The following PCDH15 variants were observed in gnomAD, a reference collection of about 807,000 sequenced individuals.
The protein encoded by PCDH15 is protocadherin-15.
PCDH15 carries 129 observed loss-of-function variants against 178.5 expected under a neutral mutation model. The observed-to-expected ratio is 0.72, with a 90% CI of 0.63 to 0.84. PCDH15 has a LOEUF of 0.84. Among genes scored for constraint, PCDH15 ranks in the 40% least tolerant of loss-of-function variants. The pLI is 0.00. For missense variants in PCDH15, 2,230 were observed against 2,099.9 expected, an observed-to-expected ratio of 1.06 and a Z score of -1.21; for synonymous variants, 800 against 732.0, an observed-to-expected ratio of 1.09 and a Z score of -1.50.
At chr10:55,390,079 G>A (rs1008179810) in intron 2 of PCDH15, among the ~76,000 whole-genome samples, 4 of 152,058 alleles carry the variant, frequency 2.6e-5, no homozygotes, top group South Asian at 2.1e-4. Context: ...CCAGACCACT[G>A]CAACAAAGCT....
chr10:55,188,703 G>T (rs911222563), intron 1 of PCDH15, among the ~76,000 whole-genome samples: 1 of 151,260 alleles, frequency 6.6e-6, no homozygotes, highest in Non-Finnish European at 1.5e-5. Context: ...TAAAGTTATG[G>T]TCCTTTAAAT....
intron 2 of PCDH15, among the ~76,000 whole-genome samples, chr10:55,343,053 A>G (rs888891239): frequency 3.3e-5 from 5 of 152,162 alleles, no homozygotes; most frequent in African/African-American, 1.2e-4. Flanking sequence ...AACAGAAACC[A>G]ATATGGGTCT....
chr10:54,348,116 G>C (rs531310638), intron 5 of PCDH15, among the ~76,000 whole-genome samples: 2 of 152,036 alleles, frequency 1.3e-5, no homozygotes, highest in Non-Finnish European at 2.9e-5. Flanking sequence ...CCAAAGTGCT[G>C]GGATTACAGG....
At chr10:54,607,936 A>T (rs558025342) in intron 2 of PCDH15, 1 of 510,500 alleles carries the variant, frequency 2.0e-6, no homozygotes, top group African/African-American at 2.0e-5. Context: ...AAAAACTGTG[A>T]TTACTTTTGC....
chr10:54,745,800 T>C (rs1945381867), intron 1 of PCDH15, among the ~76,000 whole-genome samples: 1 of 152,182 alleles, frequency 6.6e-6, no homozygotes, highest in South Asian at 2.1e-4. Context: ...AGCCAGTACA[T>C]TTCTTTAACA....
rs200706998 is a variant in PCDH15, at chr10:54,421,937, A to T, written c.158-42995T>A. On this transcript the variant is annotated intron_variant, in intron 3 of 37. Coordinates refer to ENST00000644397, the MANE Select transcript of PCDH15 (RefSeq NM_001384140.1). Reference sequence around the variant, plus strand: ...CTATATATATATATACACTATATATATATATATAAAAATATATATATATAT... The same window carrying T: ...CTATATATATATATACACTATATATTTATATATAAAAATATATATATATAT... Among the ~76,000 whole-genome samples, 608 of 118,868 alleles carry T rather than the reference A, an allele frequency of 5.1e-3. 43 individuals carry two copies. The South Asian group carries it at 0.064, about 12-fold the overall frequency. 78.0% of individuals were successfully genotyped at this position (118,868 alleles called of 152,430 possible).
intron 18 of PCDH15, among the ~76,000 whole-genome samples, chr10:54,047,782 T>C (rs1212065610): frequency 6.6e-6 from 1 of 152,214 alleles, no homozygotes; most frequent in Admixed American, 6.5e-5. Flanking sequence ...CTCCATGCTA[T>C]ATATGTACCA....
intron 14 of PCDH15, among the ~76,000 whole-genome samples, chr10:54,140,419 C>G (rs1405263326): frequency 2.0e-5 from 3 of 150,324 alleles, no homozygotes; most frequent in African/African-American, 7.3e-5. Context: ...ACTGTAAAGC[C>G]AAAGTTAATT....
At chr10:54,577,417 T>A (rs1421869728) in intron 2 of PCDH15, among the ~76,000 whole-genome samples, 1 of 152,034 alleles carries the variant, frequency 6.6e-6, no homozygotes, top group Non-Finnish European at 1.5e-5. Flanking sequence ...TTGACCCATA[T>A]TCTTCAGTTC....
At position 53,903,237 on chromosome 10, in the gene PCDH15, G is replaced by A. The variant is rs370178425; in HGVS notation, c.3501+6C>T. 2.6e-5 allele frequency: 42 copies of A among 1,611,914 alleles called. No individual in the cohort carries two copies. Among genetic ancestry groups the A allele is most frequent in the African/African-American group, 1.9e-4 (14 of 74,834 alleles). ...TAGTTCTGTATATTAACATAATTCC[G>A]CATACCTTCACTCTGAGTACAGAAG... On this transcript the variant is annotated splice_donor_region_variant and intron_variant, in intron 26 of 37. Coordinates refer to ENST00000644397, the MANE Select transcript of PCDH15 (RefSeq NM_001384140.1).
intron 26 of PCDH15, among the ~76,000 whole-genome samples, chr10:53,899,767 G>A (rs2082202434): frequency 6.6e-6 from 1 of 151,952 alleles, no homozygotes; most frequent in African/African-American, 2.4e-5. Flanking sequence ...TATTTTTGTT[G>A]CTCTAAGTAT....
chr10:54,401,609 A>G (rs1255934876), intron 3 of PCDH15, among the ~76,000 whole-genome samples: 2 of 151,884 alleles, frequency 1.3e-5, no homozygotes, highest in African/African-American at 4.8e-5. Flanking sequence ...TAAGTGAAAC[A>G]TGAATGAAAG....
intron 2 of PCDH15, among the ~76,000 whole-genome samples, chr10:54,633,923 A>G (rs921735928): frequency 2.0e-5 from 3 of 152,156 alleles, no homozygotes; most frequent in African/African-American, 4.8e-5. Context: ...GGTTGTACAC[A>G]AATCAGCCAG....
intron 2 of PCDH15, among the ~76,000 whole-genome samples, chr10:55,414,673 G>A (rs1838430585): frequency 6.6e-6 from 1 of 151,072 alleles, no homozygotes; most frequent in Admixed American, 6.6e-5. Context: ...TTTCATTTTA[G>A]ATAGATAATT....
At chr10:54,763,394 C>T (rs1948123467) in intron 1 of PCDH15, among the ~76,000 whole-genome samples, 1 of 151,974 alleles carries the variant, frequency 6.6e-6, no homozygotes, top group South Asian at 2.1e-4. Context: ...AATGTAATAC[C>T]ACCTTGAAAA....
chr10:55,069,998 T>C (rs1275882485), intron 2 of PCDH15, among the ~76,000 whole-genome samples: 2 of 152,106 alleles, frequency 1.3e-5, no homozygotes, highest in African/African-American at 4.8e-5. Context: ...TATCTCATTG[T>C]GGTTTTGATT....
At chr10:54,316,154 GT>G (rs770056341) in intron 8 of PCDH15, among the ~76,000 whole-genome samples, 4 of 151,688 alleles carry the variant, frequency 2.6e-5, no homozygotes, top group Middle Eastern at 3.4e-3. Flanking sequence ...CTCTCCAGCT[GT>G]TTTTTTTATT....
intron 1 of PCDH15, among the ~76,000 whole-genome samples, chr10:55,227,208 G>T (rs779466736): frequency 1.1e-4 from 17 of 152,066 alleles, no homozygotes; most frequent in Non-Finnish European, 2.4e-4. Context: ...TCACAATGCT[G>T]TCAGCCTTCT....
At chr10:53,946,303 C>T (rs1407358716) in intron 23 of PCDH15, among the ~76,000 whole-genome samples, 1 of 152,110 alleles carries the variant, frequency 6.6e-6, no homozygotes, top group Non-Finnish European at 1.5e-5. Flanking sequence ...TGCTATCTTC[C>T]ACACGGTGAG....
Sources: allele counts gnomAD v4.1 joint callset (sites outside exome capture counted in the v4.1 genomes callset), GRCh38; gene constraint gnomAD v4.1.1; transcripts MANE v1.5; gene names NCBI Gene and HGNC (gene_info 2026-07-23, HGNC 2026-07-21).